The following EEIG2 variants were observed in gnomAD, a reference collection of about 807,000 sequenced individuals.
EEIG2 encodes the protein family with sequence similarity 102 member B.
the EEIG2 span, among the ~76,000 whole-genome samples, chr1:108,619,852 T>C: frequency 6.6e-6 from 1 of 152,234 alleles, no homozygotes; most frequent in Non-Finnish European, 1.5e-5. Flanking sequence ...ATCATGCCAC[T>C]GCACTCCAGG....
chr1:108,636,793 C>T, the EEIG2 span: 1 of 151,948 alleles, frequency 6.6e-6, no homozygotes, highest in Non-Finnish European at 1.5e-5. Context: ...TGCATTATGT[C>T]TTCATGTGAA....
At chr1:108,590,690 T>G in the EEIG2 span, among the ~76,000 whole-genome samples, 1 of 152,210 alleles carries the variant, frequency 6.6e-6, no homozygotes, top group Non-Finnish European at 1.5e-5. Context: ...CTTTAAGCTC[T>G]TAACCTCTAT....
At chr1:108,568,240 A>T in the EEIG2 span, among the ~76,000 whole-genome samples, 1 of 152,196 alleles carries the variant, frequency 6.6e-6, no homozygotes. Flanking sequence ...GGGAGAAAAG[A>T]TCTGTTGTAG....
At chr1:108,619,197 A>T in the EEIG2 span, among the ~76,000 whole-genome samples, 1 of 152,202 alleles carries the variant, frequency 6.6e-6, no homozygotes. Context: ...GTTTTATATT[A>T]TCTCCATAAA....
At chr1:108,606,473 T>C in the EEIG2 span, among the ~76,000 whole-genome samples, 1 of 152,226 alleles carries the variant, frequency 6.6e-6, no homozygotes, top group African/African-American at 2.4e-5. Flanking sequence ...GCCTCCCTGC[T>C]AGAGGATGAT....
the EEIG2 span, among the ~76,000 whole-genome samples, chr1:108,583,786 T>G: frequency 2.0e-4 from 31 of 151,588 alleles, no homozygotes; most frequent in African/African-American, 7.5e-4. Flanking sequence ...CGGGACAAGA[T>G]AATAAAGCCA....
At chr1:108,628,346 G>A in the EEIG2 span, 27 of 1,611,256 alleles carry the variant, frequency 1.7e-5, no homozygotes, top group South Asian at 3.0e-4. Flanking sequence ...ATGTCAGATT[G>A]CAGAGTGTTT....
chr1:108,633,743 C>T, the EEIG2 span, among the ~76,000 whole-genome samples: 1 of 152,340 alleles, frequency 6.6e-6, no homozygotes, highest in East Asian at 1.9e-4. Flanking sequence ...GCCTGGGGTT[C>T]ATCAAGCTTT....
the EEIG2 span, chr1:108,624,538 A>G: frequency 1.3e-6 from 1 of 744,302 alleles, no homozygotes; most frequent in East Asian, 2.6e-5. Flanking sequence ...TCAAAGGGGT[A>G]ACATTACCAA....
At chr1:108,561,595 A>G in the EEIG2 span, among the ~76,000 whole-genome samples, 119 of 152,218 alleles carry the variant, frequency 7.8e-4, no homozygotes, top group Admixed American at 1.6e-3. Context: ...CTTTGGGGCA[A>G]TATTGAAGCC....
At chr1:108,621,130 A>G in the EEIG2 span, among the ~76,000 whole-genome samples, 1 of 152,164 alleles carries the variant, frequency 6.6e-6, no homozygotes, top group Admixed American at 6.5e-5. Context: ...TTATGAGGTC[A>G]TTTTTCACAT....
At chr1:108,633,691 G>C in the EEIG2 span, among the ~76,000 whole-genome samples, 3 of 152,168 alleles carry the variant, frequency 2.0e-5, no homozygotes, top group Admixed American at 2.0e-4. Context: ...TAGCACTTTG[G>C]CTATGATGTG....
the EEIG2 span, among the ~76,000 whole-genome samples, chr1:108,589,607 C>CT: frequency 6.6e-6 from 1 of 152,054 alleles, no homozygotes; most frequent in Non-Finnish European, 1.5e-5. Context: ...GCTTCTCCCA[C>CT]TGTTGACGTG....
the EEIG2 span, among the ~76,000 whole-genome samples, chr1:108,576,566 A>G: frequency 2.2e-5 from 3 of 137,426 alleles, no homozygotes; most frequent in South Asian, 2.5e-4. Flanking sequence ...TTGTTCTTGC[A>G]ATAGTTTACT....
the EEIG2 span, among the ~76,000 whole-genome samples, chr1:108,607,910 A>G: frequency 1.3e-5 from 2 of 152,232 alleles, no homozygotes; most frequent in East Asian, 1.9e-4. Flanking sequence ...TCCATCCTCC[A>G]TATTATTGCC....
At chr1:108,638,419 G>GC in the EEIG2 span, 1 of 152,216 alleles carries the variant, frequency 6.6e-6, no homozygotes, top group Non-Finnish European at 1.5e-5. Context: ...TAGACTTTCA[G>GC]ATTTCTATGC....
chr1:108,629,806 G>A, the EEIG2 span: 3 of 687,306 alleles, frequency 4.4e-6, no homozygotes, highest in African/African-American at 1.8e-5. Context: ...ACAGCTCTTA[G>A]TGTAGCTCTC....
chr1:108,615,947 G>A, the EEIG2 span, among the ~76,000 whole-genome samples: 2 of 152,118 alleles, frequency 1.3e-5, no homozygotes, highest in African/African-American at 2.4e-5. Flanking sequence ...GAATTTGGGA[G>A]TAAAGACAGA....
chr1:108,627,027 G>T, the EEIG2 span: 12 of 152,218 alleles, frequency 7.9e-5, no homozygotes, highest in African/African-American at 1.7e-4. Flanking sequence ...CATGTATTTT[G>T]TCTTATTTTG....
Sources: allele counts gnomAD v4.1 joint callset (sites outside exome capture counted in the v4.1 genomes callset), GRCh38; gene constraint gnomAD v4.1.1; transcripts MANE v1.5; gene names NCBI Gene and HGNC (gene_info 2026-07-23, HGNC 2026-07-21).